The following MTRR variants were observed in gnomAD, a reference collection of about 807,000 sequenced individuals.
MTRR encodes methionine synthase reductase.
Under a neutral mutation model 79.2 loss-of-function variants are expected in MTRR, and 63 were observed. That is an observed-to-expected ratio of 0.80 (90% confidence interval 0.65 to 0.98). The LOEUF (loss-of-function observed/expected upper bound fraction) is 0.98. Ranked by LOEUF, MTRR falls within the 50% of genes least tolerant of loss-of-function variation. MTRR has a pLI of 0.00. For synonymous variants in MTRR, 355 were observed against 313.3 expected (o/e 1.13, Z -1.41); for missense variants, 895 against 839.6 (o/e 1.07, Z -0.82).
intron 14 of MTRR, among the ~76,000 whole-genome samples, chr5:7,898,314 G>A (rs1738872231): frequency 6.6e-6 from 1 of 152,058 alleles, no homozygotes. Flanking sequence ...AAATAGTAGA[G>A]GCAGAGTTCA....
chr5:7,872,348 C>T (rs754408147), intron 2 of MTRR: 14 of 356,702 alleles, frequency 3.9e-5, no homozygotes, highest in African/African-American at 8.6e-5. Flanking sequence ...TAAATTTACA[C>T]GAGAGTAAGA....
intron 4 of MTRR, among the ~76,000 whole-genome samples, chr5:7,876,078 T>C (rs1343442918): frequency 6.6e-6 from 1 of 152,240 alleles, no homozygotes; most frequent in Non-Finnish European, 1.5e-5. Flanking sequence ...GTCCATGTGT[T>C]AATTTAATTT....
chr5:7,895,377 A>G (rs1269929414), intron 11 of MTRR, among the ~76,000 whole-genome samples: 5 of 152,156 alleles, frequency 3.3e-5, no homozygotes, highest in Non-Finnish European at 7.4e-5. Flanking sequence ...TATTGTCTTC[A>G]TATTTAGGGT....
chr5:7,859,467 A>C, intron 1 of MTRR: 5 of 1,608,978 alleles, frequency 3.1e-6, no homozygotes, highest in Non-Finnish European at 4.2e-6. Flanking sequence ...GTGTTTTGAG[A>C]AAACAGTTTT....
Position 7,896,910 on chromosome 5 carries a change from T to G in MTRR, c.1723T>G (p.Trp575Gly), listed in dbSNP as rs941318399. 3 of 1,613,960 alleles carry G rather than the reference T, an allele frequency of 1.9e-6. No homozygotes were observed. The African/African-American group carries it at 4.0e-5, about 22-fold the overall frequency. ...CCCAGATGGAAATTTTGGAGCAATG[T>G]GGTTGTTTTTTGGCTGCAGGCATAA... ...QHPDGNFGAM[W>G]LFFGCRHKDR... The change falls in exon 13 of 15, where the codon TGG (tryptophan) becomes GGG (glycine). Residue 575 changes from tryptophan (W) to glycine (G), a missense_variant. Physicochemically the swap from Trp to Gly is radical, Grantham distance 184. Transcript: ENST00000440940.
upstream of MTRR, chr5:7,865,995 A>G (rs767517563): frequency 3.1e-6 from 5 of 1,607,380 alleles, no homozygotes; most frequent in East Asian, 2.2e-5. Context: ...TGAAACAGAA[A>G]GCATCCCAGT....
At chr5:7,869,959 C>T (rs1747628153) in intron 1 of MTRR, 2 of 933,596 alleles carry the variant, frequency 2.1e-6, no homozygotes, top group Non-Finnish European at 2.6e-6. Flanking sequence ...GTTCATTCAC[C>T]GAAAGCCAAG....
rs200734299 is a variant in MTRR at position 7,896,855 on chromosome 5, T to C, written c.1677-9T>C. The C allele has an allele frequency of 1.6e-5, 25 of 1,612,772 alleles. No individual in the cohort carries two copies. The highest frequency in any genetic ancestry group is 1.9e-5 in the Non-Finnish European group (22 of 1,178,980). On this transcript the variant is annotated splice_polypyrimidine_tract_variant and intron_variant, in intron 12 of 14. Transcript: ENST00000440940. ...ATCACACACCTAAACTTTTTTTTTT[T>C]CCACTTAGAGAGAAACTCCAAGAAC... is the stretch of plus-strand genomic sequence containing the variant.
chr5:7,889,018 G>C, intron 8 of MTRR, 77 bp from the exon 9 acceptor site: 1 of 1,561,616 alleles, frequency 6.4e-7, no homozygotes, highest in South Asian at 1.1e-5. Flanking sequence ...TGCATCCCTA[G>C]GCAGACATTT....
At position 7,875,319 on chromosome 5, in the gene MTRR, TC is replaced by T; in HGVS notation, c.346del (p.Gln116LysfsTer18). On this transcript the variant is annotated frameshift_variant, in exon 4 of 15. Transcript: ENST00000440940. LOFTEE classifies it high-confidence loss of function. The part of the protein sequence containing the change: ...NGGKIIDKRL[Q>X]ELGARHFYDT... ...GGGGGAAGATAATTGATAAACGACTTCAAGAGCTTGGAGCCCGGCATTTCTA... is the reference window on the plus strand; with the variant it reads ...GGGGGAAGATAATTGATAAACGACTTAAGAGCTTGGAGCCCGGCATTTCTA... The T allele has an allele frequency of 6.2e-7, 1 of 1,614,108 alleles. No individual in the cohort carries two copies. The highest frequency in any genetic ancestry group is 8.5e-7 in the Non-Finnish European group (1 of 1,179,992).
intron 9 of MTRR, among the ~76,000 whole-genome samples, chr5:7,889,994 G>A (rs1169912541): frequency 1.3e-5 from 2 of 152,168 alleles, no homozygotes; most frequent in Non-Finnish European, 2.9e-5. Context: ...CTCTCAGGAA[G>A]GGATTGAAAA....
chr5:7,890,558 C>T, intron 9 of MTRR: 1 of 294,914 alleles, frequency 3.4e-6, no homozygotes, highest in African/African-American at 2.3e-5. Context: ...AAATTAAAGT[C>T]ATTGGGACTT....
chr5:7,868,644 G>A (rs1046654005), upstream of MTRR, among the ~76,000 whole-genome samples: 1 of 152,168 alleles, frequency 6.6e-6, no homozygotes, highest in Admixed American at 6.5e-5. Context: ...GAAGGTTAGT[G>A]TTGAAGGAAA....
chr5:7,886,343 C>T (rs1276049348), intron 7 of MTRR, among the ~76,000 whole-genome samples: 1 of 151,912 alleles, frequency 6.6e-6, no homozygotes, highest in Non-Finnish European at 1.5e-5. Context: ...GTACTGCTGT[C>T]TTTTTAGCTT....
At chr5:7,854,681 C>G (rs943121406) in intron 1 of MTRR, among the ~76,000 whole-genome samples, 1 of 152,188 alleles carries the variant, frequency 6.6e-6, no homozygotes, top group African/African-American at 2.4e-5. Flanking sequence ...TTCAAGCTAT[C>G]TCCCTCCGGG....
Position 7,892,579 on chromosome 5 carries a change from AC to A in MTRR, c.1371-147del, listed in dbSNP as rs965337997. The A allele has an allele frequency of 5.8e-6, 5 of 856,744 alleles. No individual in the cohort carries two copies. In the African/African-American group the frequency reaches 6.7e-5, roughly 12 times the overall value. The allele number at this position is 856,744 out of a possible 1,614,324, so 53.1% of individuals were successfully genotyped here. A position where few individuals can be genotyped will look rare whatever the true frequency, so the allele number is the denominator to read the frequency against. On this transcript the variant is annotated intron_variant, in intron 10 of 14. Coordinates refer to ENST00000440940, the MANE Select transcript of MTRR (RefSeq NM_002454.3). ...TGAAGGTTGGGGGCAGTTTTTAATT[AC>A]GTAATAATGGCTTTCCTCTGTGAGG...
chr5:7,863,807 C>T (rs893325095), intron 2 of MTRR, among the ~76,000 whole-genome samples: 2 of 152,074 alleles, frequency 1.3e-5, no homozygotes, highest in African/African-American at 2.4e-5. Context: ...TGATTGCGTG[C>T]TTGAAAATGG....
Position 7,870,843 on chromosome 5 carries a change from G to A in MTRR, c.49G>A (p.Ala17Thr), listed in dbSNP as rs748064430. 2 of 1,614,200 alleles carry A rather than the reference G, an allele frequency of 1.2e-6. No individual in the cohort carries two copies. Among genetic ancestry groups the A allele is most frequent in the Non-Finnish European group, 1.7e-6 (2 of 1,180,032 alleles). ...TGCTACACAGCAGGGACAGGCAAAG[G>A]CCATCGCAGAAGAAATATGTGAGCA... is the stretch of plus-strand genomic sequence containing the variant. ...LYATQQGQAK[A>T]IAEEICEQAV... The change falls in exon 2 of 15, where the codon GCC becomes ACC. Residue 17 changes from alanine (A) to threonine (T), a missense_variant. Transcript: ENST00000440940.
chr5:7,896,831 TCA>T, intron 12 of MTRR, 31 bp from the exon 13 acceptor site: 1 of 1,560,838 alleles, frequency 6.4e-7, no homozygotes, highest in Non-Finnish European at 8.8e-7. Flanking sequence ...ATTCTTTATA[TCA>T]CACACCTAAA....
Sources: allele counts gnomAD v4.1 joint callset (sites outside exome capture counted in the v4.1 genomes callset), GRCh38; gene constraint gnomAD v4.1.1; transcripts MANE v1.5; gene names NCBI Gene and HGNC (gene_info 2026-07-23, HGNC 2026-07-21).